RAPGEF3: variants seen among roughly 807,000 people sequenced by gnomAD.
RAPGEF3 encodes the protein Rap guanine nucleotide exchange factor 3.
Under a neutral mutation model 129.8 loss-of-function variants are expected in RAPGEF3, and 103 were observed. That is an observed-to-expected ratio of 0.79 (90% CI 0.68 to 0.93). RAPGEF3 has a LOEUF of 0.93. Among genes scored for constraint, RAPGEF3 ranks in the 40% least tolerant of loss-of-function variants. The pLI is 0.00. For synonymous variants in RAPGEF3, 436 were observed against 482.6 expected (o/e 0.90, Z 1.26); for missense variants, 1,117 against 1,207.4 (o/e 0.93, Z 1.11).
chr12:47,756,762 C>T (rs545165396), intron 2 of RAPGEF3, among the ~76,000 whole-genome samples: 2 of 151,940 alleles, frequency 1.3e-5, no homozygotes, highest in East Asian at 1.9e-4. Flanking sequence ...CGAGGTCAAG[C>T]GATCAAGACC....
At chr12:47,751,024 C>T (rs745960537) in intron 6 of RAPGEF3, 24 bp downstream of exon 6, 33 of 1,589,976 alleles carry the variant, frequency 2.1e-5, no homozygotes, top group East Asian at 1.4e-4. Flanking sequence ...CCTGGGGTCA[C>T]GGGGTGCAGG....
At chr12:47,757,786 GCAGCATGC>G (rs1227114289) in intron 2 of RAPGEF3, 72 bp downstream of exon 2, 1 of 1,354,692 alleles carries the variant, frequency 7.4e-7, no homozygotes, top group African/African-American at 1.4e-5. Flanking sequence ...TGGGCCACCA[GCAGCATGC>G]CAAGCCATGA....
At chr12:47,752,077 A>C in intron 2 of RAPGEF3, 108 bp from the exon 3 acceptor site, 4 of 1,191,896 alleles carry the variant, frequency 3.4e-6, no homozygotes, top group Non-Finnish European at 4.9e-6. Flanking sequence ...CCCAACCCCA[A>C]ATGCATCCAT....
intron 23 of RAPGEF3, 161 bp downstream of exon 23, chr12:47,739,980 T>G (rs1941043623): frequency 1.2e-6 from 1 of 841,142 alleles, no homozygotes; most frequent in African/African-American, 1.7e-5. Context: ...CTCCCCAAAC[T>G]CACAGGCTGG....
chr12:47,753,303 C>T (rs1941862295), intron 2 of RAPGEF3, among the ~76,000 whole-genome samples: 1 of 152,206 alleles, frequency 6.6e-6, no homozygotes, highest in Non-Finnish European at 1.5e-5. Flanking sequence ...GAAGTGCTCC[C>T]ATTCTCAGTC....
chr12:47,749,661 C>T lies in RAPGEF3; in HGVS notation c.894+80G>A. On this transcript the variant is annotated intron_variant, in intron 9 of 27. Transcript: ENST00000449771. The surrounding 1 kb of genome is among the most constrained non-coding windows in gnomAD (Gnocchi z 4.5). Reference sequence around the variant, plus strand: ...CACGGGGTCAGCAGCAGTAGATCAACAAAGGCACTGCCCATGAGGACATGG... The same window carrying T: ...CACGGGGTCAGCAGCAGTAGATCAATAAAGGCACTGCCCATGAGGACATGG... The T allele has an allele frequency of 6.3e-7, 1 of 1,594,498 alleles. No individual in the cohort carries two copies. Among genetic ancestry groups the T allele is most frequent in the Non-Finnish European group, 8.6e-7 (1 of 1,168,226 alleles).
intron 18 of RAPGEF3, among the ~76,000 whole-genome samples, chr12:47,742,648 C>A (rs1012538667): frequency 2.0e-5 from 3 of 152,186 alleles, no homozygotes; most frequent in Admixed American, 6.5e-5. Context: ...GACTGGCAGG[C>A]CCTGTGCTAA....
intron 15 of RAPGEF3, 59 bp from the exon 16 acceptor site, chr12:47,746,958 G>A (rs1443387749): frequency 6.6e-7 from 1 of 1,523,934 alleles, no homozygotes; most frequent in South Asian, 1.2e-5. Context: ...CTGCAGCAGG[G>A]AGGCCCTTGG....
At chr12:47,748,646 C>A in intron 11 of RAPGEF3, 104 bp from the exon 12 acceptor site, 2 of 1,131,744 alleles carry the variant, frequency 1.8e-6, no homozygotes, top group Non-Finnish European at 2.6e-6. Context: ...ATTAGCCAGC[C>A]CTGTCCCACC....
chr12:47,740,487 AT>A (rs1413612526), intron 21 of RAPGEF3, 92 bp from the exon 22 acceptor site: 1 of 1,503,214 alleles, frequency 6.7e-7, no homozygotes, highest in Non-Finnish European at 9.2e-7. Flanking sequence ...CTCTGCAGAG[AT>A]CCAAGCTGGA....
chr12:47,740,793 G>A lies in RAPGEF3; in HGVS notation c.2080C>T (p.Gln694Ter). 6.2e-7 allele frequency: 1 copy of A among 1,614,014 alleles called. No homozygotes were observed. Among genetic ancestry groups the A allele is most frequent in the Non-Finnish European group, 8.5e-7 (1 of 1,179,992 alleles). ...VELIHYVLGP[Q>*]HLRDVTTANL... is the part of the protein sequence containing the mutation. ...GCGGTGGTGACATCCCGCAGATGCT[G>A]GGGGCCCAGCACATAGTGGATCAGC... The change falls in exon 21 of 28, where the codon CAG (glutamine) becomes TAG (stop). Residue 694 changes from glutamine to a stop codon, truncating the protein, a stop_gained. Coordinates refer to ENST00000449771, the MANE Select transcript of RAPGEF3 (RefSeq NM_001098531.4). LOFTEE classifies it high-confidence loss of function.
chr12:47,746,315 A>C (rs992254835), intron 16 of RAPGEF3: 13 of 308,892 alleles, frequency 4.2e-5, no homozygotes, highest in Middle Eastern at 1.9e-3. Flanking sequence ...CCTGGATTTT[A>C]TTCCCAGTGC....
At chr12:47,757,659 A>C (rs937502632) in intron 2 of RAPGEF3, among the ~76,000 whole-genome samples, 2 of 152,116 alleles carry the variant, frequency 1.3e-5, no homozygotes, top group East Asian at 3.9e-4. Flanking sequence ...ATTTGGGCAG[A>C]ACACACACAC....
intron 19 of RAPGEF3, 35 bp downstream of exon 19, chr12:47,741,470 C>G: frequency 6.3e-7 from 1 of 1,576,428 alleles, no homozygotes; most frequent in Non-Finnish European, 8.7e-7. Context: ...AAATAGATCT[C>G]CTCCCTGGGC....
chr12:47,753,537 G>A (rs1409038016), intron 2 of RAPGEF3, among the ~76,000 whole-genome samples: 1 of 152,258 alleles, frequency 6.6e-6, no homozygotes, highest in African/African-American at 2.4e-5. Flanking sequence ...CTGGGCGGAA[G>A]TCACTAGGTG....
chr12:47,747,963 A>G, intron 13 of RAPGEF3, 101 bp from the exon 14 acceptor site: 1 of 1,581,988 alleles, frequency 6.3e-7, no homozygotes, highest in South Asian at 1.1e-5. Flanking sequence ...TGGGCCTGGC[A>G]GCAGGCTGGC....
Position 47,758,776 on chromosome 12 carries a change from G to A in RAPGEF3, c.-220C>T. 8.1e-7 allele frequency: 1 copy of A among 1,227,964 alleles called. No individual in the cohort carries two copies. Among genetic ancestry groups the A allele is most frequent in the Non-Finnish European group, 1.0e-6 (1 of 983,418 alleles). 76.1% of individuals were successfully genotyped at this position (1,227,964 alleles called of 1,614,324 possible). A position where few individuals can be genotyped will look rare whatever the true frequency, so the allele number is the denominator to read the frequency against. On this transcript the variant is annotated 5_prime_UTR_variant, in exon 1 of 28. Transcript: ENST00000449771. ...GGGTGAGTAGAGGGGTGGGGGCGTG[G>A]TGGGGGGACGCCACCCAGCCACCGG... is the stretch of plus-strand genomic sequence containing the variant.
At chr12:47,740,493 G>A (rs1007734919) in intron 21 of RAPGEF3, 98 bp from the exon 22 acceptor site, 14 of 1,493,452 alleles carry the variant, frequency 9.4e-6, no homozygotes, top group South Asian at 9.3e-5. Context: ...AGAGATCCAA[G>A]CTGGATGGGG....
intron 23 of RAPGEF3, 111 bp from the exon 24 acceptor site, chr12:47,739,341 A>AATCAGCCTCTC (rs1276898686): frequency 1.2e-6 from 1 of 837,460 alleles, no homozygotes; most frequent in Non-Finnish European, 2.0e-6. Context: ...AGAGGCCCCA[A>AATCAGCCTCTC]CTCAGCCTCT....
Sources: gnomAD v4.1 joint callset for allele counts (sites outside exome capture counted in the v4.1 genomes callset) on GRCh38, gnomAD v4.1.1 for gene constraint, Gnocchi (gnomAD v3.1) non-coding constraint, MANE v1.5 for transcripts, NCBI Gene and HGNC (gene_info 2026-07-23, HGNC 2026-07-21) for gene names.